TMC2: variants seen among roughly 807,000 people sequenced by gnomAD.
The protein encoded by TMC2 is transmembrane channel like 2.
Under a neutral mutation model 105.9 loss-of-function variants are expected in TMC2, and 102 were observed. That is an observed-to-expected ratio of 0.96 (90% CI 0.82 to 1.14). TMC2 has a LOEUF of 1.14. Among genes scored for constraint, TMC2 ranks in the 50% most tolerant of loss-of-function variants. TMC2 has a pLI of 0.00. For missense variants in TMC2, 1,093 were observed against 1,134.3 expected (o/e 0.96, Z 0.52); for synonymous variants, 402 against 422.8 (o/e 0.95, Z 0.60).
chr20:2,637,387 CA>C (rs59750367), intron 18 of TMC2, 86 bp from the exon 19 acceptor site: 14,141 of 619,804 alleles, frequency 0.023, no homozygotes, highest in Non-Finnish European at 0.026. Flanking sequence ...GACTCTGTCT[CA>C]AAAAAAAAAA....
intron 7 of TMC2, among the ~76,000 whole-genome samples, chr20:2,583,208 C>A (rs1437504482): frequency 6.6e-6 from 1 of 152,174 alleles, no homozygotes. Flanking sequence ...GTAACGCCTC[C>A]CTTTGAATAT....
intron 17 of TMC2, among the ~76,000 whole-genome samples, chr20:2,634,354 T>C (rs2086626803): frequency 6.6e-6 from 1 of 152,358 alleles, no homozygotes; most frequent in South Asian, 2.1e-4. Context: ...AGAGTGAATG[T>C]AGAATCCTTT....
chr20:2,574,808 C>T (rs1451716997), intron 5 of TMC2, among the ~76,000 whole-genome samples: 2 of 152,148 alleles, frequency 1.3e-5, no homozygotes, highest in South Asian at 2.1e-4. Flanking sequence ...TCACTACAAC[C>T]TCTGCCTCCC....
intron 4 of TMC2, among the ~76,000 whole-genome samples, chr20:2,563,789 C>T (rs1052011135): frequency 1.3e-5 from 2 of 152,200 alleles, no homozygotes; most frequent in Non-Finnish European, 2.9e-5. Context: ...GTCCAGTCCA[C>T]CATTTTAACT....
At chr20:2,602,991 A>G (rs901144136) in intron 11 of TMC2, among the ~76,000 whole-genome samples, 1 of 152,230 alleles carries the variant, frequency 6.6e-6, no homozygotes, top group South Asian at 2.1e-4. Flanking sequence ...ACCATGAAAC[A>G]TGCAGAGATT....
intron 16 of TMC2, 90 bp downstream of exon 16, chr20:2,617,401 GC>G: frequency 6.5e-7 from 1 of 1,534,052 alleles, no homozygotes; most frequent in Non-Finnish European, 8.9e-7. Context: ...CTGGTTTCAT[GC>G]CAGCCTGTAA....
intron 11 of TMC2, among the ~76,000 whole-genome samples, chr20:2,606,209 A>C (rs2086390492): frequency 6.6e-6 from 1 of 152,188 alleles, no homozygotes; most frequent in Non-Finnish European, 1.5e-5. Context: ...TTAAGAATAC[A>C]TCCTGGTATT....
intron 2 of TMC2, 98 bp downstream of exon 2, chr20:2,537,414 C>T: frequency 1.0e-6 from 1 of 994,112 alleles, no homozygotes; most frequent in South Asian, 1.4e-5. Context: ...TCTCCTTCAT[C>T]TCCTTCCCTC....
At chr20:2,598,580 A>C (rs750899928) in intron 10 of TMC2, among the ~76,000 whole-genome samples, 3 of 151,832 alleles carry the variant, frequency 2.0e-5, no homozygotes, top group Non-Finnish European at 4.4e-5. Context: ...ATGCCCGGCT[A>C]ATTTTTTTGT....
At chr20:2,590,320 G>T (rs1368166419) in intron 7 of TMC2, among the ~76,000 whole-genome samples, 1 of 151,908 alleles carries the variant, frequency 6.6e-6, no homozygotes, top group East Asian at 1.9e-4. Flanking sequence ...ATTCAGGAGG[G>T]GCTTATCCAG....
At chr20:2,551,184 A>G (rs2422779) in intron 2 of TMC2, among the ~76,000 whole-genome samples, 102,582 of 152,062 alleles carry the variant, frequency 0.67, 34,904 homozygotes, top group African/African-American at 0.75. Flanking sequence ...TATTTCATTG[A>G]TGTTTTAATT....
In TMC2 at chr20:2,641,185, AG is replaced by A. The variant is rs1171486996; in HGVS notation, c.2558del (p.Gly853AlafsTer57). 7 of 1,613,938 alleles carry A rather than the reference AG, an allele frequency of 4.3e-6. No homozygotes were observed. The African/African-American group carries it at 9.4e-5, about 22-fold the overall frequency. ...AGCCAGGCCATGGACAAGAAGGCGC[AG>A]GGCCCTGGGACCTCCAATTCTGCCA... ...SQSQAMDKKA[Q>X]GPGTSNSASR... is the part of the protein sequence containing the mutation. On this transcript the variant is annotated frameshift_variant, in exon 20 of 20. Coordinates refer to ENST00000358864, the MANE Select transcript of TMC2 (RefSeq NM_080751.3). LOFTEE classifies it low-confidence loss of function (END_TRUNC).
At chr20:2,626,590 T>C (rs574822026) in intron 17 of TMC2, among the ~76,000 whole-genome samples, 30 of 152,374 alleles carry the variant, frequency 2.0e-4, no homozygotes, top group African/African-American at 6.5e-4. Context: ...TAGAAGCACA[T>C]GTAAGACAGG....
chr20:2,596,715 A>ATGTG (rs1282017304), intron 9 of TMC2, among the ~76,000 whole-genome samples: 1 of 130,204 alleles, frequency 7.7e-6, no homozygotes, highest in East Asian at 2.4e-4. Context: ...AAAAAAATAT[A>ATGTG]TATGTGTGTG....
intron 5 of TMC2, among the ~76,000 whole-genome samples, chr20:2,578,739 C>T (rs111825645): frequency 4.0e-5 from 6 of 151,670 alleles, no homozygotes; most frequent in South Asian, 2.1e-4. Context: ...GTCTGCCAGA[C>T]GTGGGTCTGA....
intron 2 of TMC2, among the ~76,000 whole-genome samples, chr20:2,545,853 GAGAAAGAAAGAA>G (rs1337981989): frequency 1.7e-5 from 1 of 60,456 alleles, no homozygotes. Flanking sequence ...AAGAAAGAAA[GAGAAAGAAAGAA>G]AAAGAAAGAA....
chr20:2,596,490 A>G (rs2086307488), intron 9 of TMC2, among the ~76,000 whole-genome samples: 1 of 152,026 alleles, frequency 6.6e-6, no homozygotes, highest in African/African-American at 2.4e-5. Flanking sequence ...AAAATTAGCC[A>G]GGCGTCCTGG....
intron 1 of TMC2, 64 bp downstream of exon 1, chr20:2,536,719 G>C: frequency 6.5e-7 from 1 of 1,531,474 alleles, no homozygotes; most frequent in Admixed American, 2.0e-5. Flanking sequence ...GCAGGGGATG[G>C]GGGAAGCACA....
intron 10 of TMC2, among the ~76,000 whole-genome samples, chr20:2,601,006 G>GA (rs1368382505): frequency 1.3e-4 from 15 of 119,726 alleles, no homozygotes; most frequent in African/African-American, 4.7e-4. Context: ...AAAAAAAAAA[G>GA]AAAAAAAAGT....
Sources: allele counts gnomAD v4.1 joint callset (sites outside exome capture counted in the v4.1 genomes callset), GRCh38; gene constraint gnomAD v4.1.1; transcripts MANE v1.5; gene names NCBI Gene and HGNC (gene_info 2026-07-23, HGNC 2026-07-21).